PPP1R3B: variants seen among roughly 807,000 people sequenced by gnomAD.
The protein encoded by PPP1R3B is PP1 subunit R4.
In PPP1R3B, 8 loss-of-function variants were observed where a neutral mutation model predicts 14.6. The observed-to-expected ratio is 0.55, with a 90% confidence interval of 0.32 to 0.99. The LOEUF (loss-of-function observed/expected upper bound fraction) is 0.99, where lower values mean the gene tolerates loss of function less well. Among genes scored for constraint, PPP1R3B ranks in the 50% least tolerant of loss-of-function variants. PPP1R3B has a pLI of 0.04. For synonymous variants in PPP1R3B, 169 were observed against 142.0 expected (o/e 1.19, Z -1.35); for missense variants, 452 against 360.1 (o/e 1.26, Z -2.07).
rs1380341463 is a variant in PPP1R3B at position 9,137,110 on chromosome 8, A to G, written c.*3684T>C. On this transcript the variant is annotated 3_prime_UTR_variant, in exon 2 of 2. Transcript: ENST00000310455. The stretch of plus-strand genomic sequence containing the variant: ...ATTAAATTCTCCCATTGACTCTGAC[A>G]TTGTTTTAATTTCTGGAGAACTGTA... The G allele has an allele frequency of 1.3e-5, 2 of 152,206 alleles. No homozygotes were observed. Among genetic ancestry groups the G allele is most frequent in the South Asian group, 2.1e-4 (1 of 4,832 alleles). The allele number at this position is 152,206 out of a possible 1,614,324, so 9.4% of individuals were successfully genotyped here. A position where few individuals can be genotyped will look rare whatever the true frequency, so the allele number is the denominator to read the frequency against.
intron 1 of PPP1R3B, among the ~76,000 whole-genome samples, chr8:9,149,673 C>G (rs1801356904): frequency 6.6e-6 from 1 of 152,178 alleles, no homozygotes; most frequent in African/African-American, 2.4e-5. Flanking sequence ...TGTTCCCTTC[C>G]AAAAGGTTTC....
rs541364395 is a variant in PPP1R3B at position 9,148,389 on chromosome 8, GA to G, written c.-18+2173del. On this transcript the variant is annotated intron_variant, in intron 1 of 1. Transcript: ENST00000310455. Reference sequence around the variant, plus strand: ...TGAGTCACCAAAGTTGGCCAAGGGGGAAAAAAAAAGAACCAGAAGTTATGGA... The same window carrying G: ...TGAGTCACCAAAGTTGGCCAAGGGGGAAAAAAAAGAACCAGAAGTTATGGA... Among the ~76,000 whole-genome samples, 430 of 151,054 alleles carry G rather than the reference GA, an allele frequency of 2.8e-3. 5 individuals carry two copies. The highest frequency in any genetic ancestry group is 0.01 in the African/African-American group (412 of 41,166).
chr8:9,143,793 T>C (rs1801158123), intron 1 of PPP1R3B, among the ~76,000 whole-genome samples: 2 of 152,136 alleles, frequency 1.3e-5, no homozygotes, highest in Non-Finnish European at 2.9e-5. Context: ...AAGTAAAAAA[T>C]TGGCTCTATA....
Position 9,141,509 on chromosome 8 carries a change from C to T in PPP1R3B, c.143G>A (p.Gly48Glu), listed in dbSNP as rs3748140. 0.021 allele frequency: 33,734 copies of T among 1,614,174 alleles called. 1,225 individuals are homozygous for T. Among genetic ancestry groups the T allele is most frequent in the South Asian group, 0.13 (11,592 of 91,074 alleles). Reference sequence around the variant, plus strand: ...CTCCTGGACAGCCGGGGCCACCATTCCACTGGCTTCATTCTTGCTGCTCAG... The same window carrying T: ...CTCCTGGACAGCCGGGGCCACCATTTCACTGGCTTCATTCTTGCTGCTCAG... ...IQLSSKNEAS[G>E]MVAPAVQEKK... The change falls in exon 2 of 2, where the codon GGA becomes GAA. Residue 48 changes from glycine to glutamate, a missense_variant. Coordinates refer to ENST00000310455, the MANE Select transcript of PPP1R3B (RefSeq NM_024607.4).
At chr8:9,145,260 T>G (rs907796179) in intron 1 of PPP1R3B, 1 of 152,212 alleles carries the variant, frequency 6.6e-6, no homozygotes, top group African/African-American at 2.4e-5. Flanking sequence ...GGTCCACGTA[T>G]GCTCAGATTC....
In PPP1R3B at chr8:9,141,400, GTCA is replaced by G. The variant is rs753989442; in HGVS notation, c.249_251del (p.Asp84del). ...TGATGTTGAATGGCATATCTAGCGG[GTCA>G]TCGAATTCCGAGAACACTTTGACCA... On this transcript the variant is annotated inframe_deletion, in exon 2 of 2. Transcript: ENST00000310455. 154 of 1,614,202 alleles carry G rather than the reference GTCA, an allele frequency of 9.5e-5. 4 individuals carry two copies. The South Asian group carries it at 1.7e-3, about 17-fold the overall frequency.
chr8:9,151,439 C>G (rs906687959), upstream of PPP1R3B: 1 of 164,870 alleles, frequency 6.1e-6, no homozygotes, highest in Non-Finnish European at 1.3e-5. Context: ...ACGGCAGGAG[C>G]TGGGCCCGGG....
chr8:9,149,315 A>T (rs1188896895), intron 1 of PPP1R3B, among the ~76,000 whole-genome samples: 1 of 150,544 alleles, frequency 6.6e-6, no homozygotes, highest in Non-Finnish European at 1.5e-5. Context: ...CCTGGCTAAC[A>T]CGGTGAAACC....
intron 1 of PPP1R3B, among the ~76,000 whole-genome samples, chr8:9,144,918 G>T (rs987395509): frequency 6.6e-6 from 1 of 151,984 alleles, no homozygotes; most frequent in South Asian, 2.1e-4. Flanking sequence ...GCTAATTTTT[G>T]TATTTTTAGT....
At chr8:9,147,597 C>T (rs889276804) in intron 1 of PPP1R3B, among the ~76,000 whole-genome samples, 4 of 152,052 alleles carry the variant, frequency 2.6e-5, no homozygotes, top group Non-Finnish European at 4.4e-5. Context: ...CTACACACAG[C>T]CCACTAGAGC....
At chr8:9,146,286 C>G (rs1203919375) in intron 1 of PPP1R3B, among the ~76,000 whole-genome samples, 1 of 152,168 alleles carries the variant, frequency 6.6e-6, no homozygotes. Context: ...AGTCCCCAAA[C>G]CTATCTCCCC....
At position 9,137,193 on chromosome 8, in the gene PPP1R3B, C is replaced by T. The variant is rs1436811635; in HGVS notation, c.*3601G>A. The T allele has an allele frequency of 6.6e-6, 1 of 152,218 alleles. No individual in the cohort carries two copies. The highest frequency in any genetic ancestry group is 1.9e-4 in the East Asian group (1 of 5,196). 9.4% of individuals were successfully genotyped at this position (152,218 alleles called of 1,614,324 possible). A position where few individuals can be genotyped will look rare whatever the true frequency, so the allele number is the denominator to read the frequency against. On this transcript the variant is annotated 3_prime_UTR_variant, in exon 2 of 2. Transcript: ENST00000310455. ...ATAATTTTTTAAATAAAGAAACCCA[C>T]TCAAATGCTTCATGTCTTCCAATAG...
At position 9,141,469 on chromosome 8, in the gene PPP1R3B, CTTTTTCACCTTCTTCTCCTGGACAGCCGG is replaced by C; in HGVS notation, c.154_182del (p.Pro52AlafsTer23). ...CCTGGTTGTCTGCGAAGGACACCCG[CTTTTTCACCTTCTTCTCCTGGACAGCCGG>C]GGCCACCATTCCACTGGCTTCATTC... On this transcript the variant is annotated frameshift_variant, in exon 2 of 2. Transcript: ENST00000310455. LOFTEE classifies it high-confidence loss of function. 1 of 1,614,184 alleles carries C rather than the reference CTTTTTCACCTTCTTCTCCTGGACAGCCGG, an allele frequency of 6.2e-7. No individual in the cohort carries two copies. The highest frequency in any genetic ancestry group is 8.5e-7 in the Non-Finnish European group (1 of 1,180,026).
At chr8:9,142,748 A>G (rs576361049) in intron 1 of PPP1R3B, among the ~76,000 whole-genome samples, 2 of 152,248 alleles carry the variant, frequency 1.3e-5, no homozygotes, top group South Asian at 4.1e-4. Flanking sequence ...TTCCACATAT[A>G]AGTGAGATCA....
chr8:9,143,123 C>T (rs1328521833), intron 1 of PPP1R3B, among the ~76,000 whole-genome samples: 1 of 152,188 alleles, frequency 6.6e-6, no homozygotes, highest in Non-Finnish European at 1.5e-5. Flanking sequence ...ACATTCCCAC[C>T]AGCAGGAGAC....
chr8:9,146,969 T>C (rs1801259259), intron 1 of PPP1R3B, among the ~76,000 whole-genome samples: 1 of 152,146 alleles, frequency 6.6e-6, no homozygotes, highest in Non-Finnish European at 1.5e-5. Context: ...GTAGTGTTTT[T>C]GTTTTGTCTT....
rs1801093176 is a variant in PPP1R3B, at chr8:9,141,617, C to T, written c.35G>A (p.Cys12Tyr). Residue 12 changes from cysteine to tyrosine, a missense_variant, in exon 2 of 2, where the codon TGC (cysteine) becomes TAC (tyrosine). Cys to Tyr is a radical substitution (Grantham distance 194, BLOSUM62 -2). Transcript: ENST00000310455. Reference sequence around the variant, plus strand: ...CTCTTGGCGCAAGGAAGGAGCCATGCAGTTGTATCTGTACTCGATGTCCAC... The same window carrying T: ...CTCTTGGCGCAAGGAAGGAGCCATGTAGTTGTATCTGTACTCGATGTCCAC... ...MAVDIEYRYN[C>Y]MAPSLRQERF... 4 of 1,613,806 alleles carry T rather than the reference C, an allele frequency of 2.5e-6. No homozygotes were observed. Among genetic ancestry groups the T allele is most frequent in the Non-Finnish European group, 2.5e-6 (3 of 1,180,030 alleles).
At position 9,139,672 on chromosome 8, in the gene PPP1R3B, C is replaced by A. The variant is rs1801004340; in HGVS notation, c.*1122G>T. 1 of 152,132 alleles carries A rather than the reference C, an allele frequency of 6.6e-6. No individual in the cohort carries two copies. The highest frequency in any genetic ancestry group is 1.5e-5 in the Non-Finnish European group (1 of 68,098). The allele number at this position is 152,132 out of a possible 1,614,324, so 9.4% of individuals were successfully genotyped here. On this transcript the variant is annotated 3_prime_UTR_variant, in exon 2 of 2. Coordinates refer to ENST00000310455, the MANE Select transcript of PPP1R3B (RefSeq NM_024607.4). The stretch of plus-strand genomic sequence containing the variant: ...CCCGCCATTCTCCTGCCTCAGCCTC[C>A]CAAGTAGCTGGGACTACAGGCGCCC...
Position 9,137,423 on chromosome 8 carries a change from T to C in PPP1R3B, c.*3371A>G, listed in dbSNP as rs946444967. 2.6e-5 allele frequency: 4 copies of C among 152,156 alleles called. No homozygotes were observed. The highest frequency in any genetic ancestry group is 9.7e-5 in the African/African-American group (4 of 41,438). The allele number at this position is 152,156 out of a possible 1,614,324, so 9.4% of individuals were successfully genotyped here. ...AAGATTCTGGGACTCGGGGGCCACT[T>C]GTAACCATAACCAAGAGCTGTCTGA... is the stretch of plus-strand genomic sequence containing the variant. On this transcript the variant is annotated 3_prime_UTR_variant, in exon 2 of 2. Transcript: ENST00000310455.
Sources: gnomAD v4.1 joint callset for allele counts (sites outside exome capture counted in the v4.1 genomes callset) on GRCh38, gnomAD v4.1.1 for gene constraint, MANE v1.5 for transcripts, NCBI Gene and HGNC (gene_info 2026-07-23, HGNC 2026-07-21) for gene names.